The following SOX6 variants were observed in gnomAD, a reference collection of about 807,000 sequenced individuals.
SOX6 encodes the protein transcription factor SOX-6.
Under a neutral mutation model 97.8 loss-of-function variants are expected in SOX6, and 11 were observed. That is an observed-to-expected ratio of 0.11 (90% CI 0.07 to 0.19). SOX6 has a LOEUF of 0.19. SOX6 is among the 10% of genes least tolerant of loss of function. The pLI, the probability that SOX6 is intolerant of heterozygous loss-of-function variation, is 1.00. For synonymous variants in SOX6, 360 were observed against 371.4 expected (o/e 0.97, Z 0.35); for missense variants, 810 against 1,039.5 (o/e 0.78, Z 3.04).
intron 4 of SOX6, among the ~76,000 whole-genome samples, chr11:16,603,235 A>G (rs1287518043): frequency 6.6e-6 from 1 of 152,152 alleles, no homozygotes; most frequent in Admixed American, 6.5e-5. Context: ...GCACAGGGTA[A>G]CAGAGGGAAA....
chr11:16,135,155 C>A (rs1849929053), intron 6 of SOX6, among the ~76,000 whole-genome samples: 1 of 151,904 alleles, frequency 6.6e-6, no homozygotes, highest in African/African-American at 2.4e-5. Flanking sequence ...AGACCTACTG[C>A]TCAGAAAAAA....
intron 13 of SOX6, among the ~76,000 whole-genome samples, chr11:15,996,962 A>G (rs1854244123): frequency 1.3e-5 from 2 of 152,196 alleles, no homozygotes; most frequent in Non-Finnish European, 2.9e-5. Flanking sequence ...TTTGAAAAGT[A>G]CAATAAAATT....
intron 4 of SOX6, among the ~76,000 whole-genome samples, chr11:16,565,613 AAGCAT>A (rs1847861442): frequency 2.7e-4 from 2 of 7,488 alleles, no homozygotes; most frequent in Non-Finnish European, 1.3e-3. Context: ...AATAATTTTA[AAGCAT>A]GGCACATGTA....
intron 6 of SOX6, among the ~76,000 whole-genome samples, chr11:16,121,634 T>A (rs1849491653): frequency 6.6e-6 from 1 of 151,982 alleles, no homozygotes; most frequent in Admixed American, 6.6e-5. Flanking sequence ...ATAGCAAAAA[T>A]TCCATTAAGT....
chr11:16,104,678 G>A (rs1018173535), intron 7 of SOX6, among the ~76,000 whole-genome samples: 6 of 151,278 alleles, frequency 4.0e-5, no homozygotes, highest in Non-Finnish European at 5.9e-5. Flanking sequence ...ACAGGTTGGG[G>A]GTTATCTTGG....
intron 3 of SOX6, among the ~76,000 whole-genome samples, chr11:16,634,275 A>G (rs1848752331): frequency 6.6e-6 from 1 of 151,878 alleles, no homozygotes; most frequent in Admixed American, 6.5e-5. Context: ...TGATGGAGGG[A>G]AAAGTCTGTG....
At chr11:16,100,933 G>T (rs1848929254) in intron 7 of SOX6, among the ~76,000 whole-genome samples, 1 of 151,518 alleles carries the variant, frequency 6.6e-6, no homozygotes, top group African/African-American at 2.4e-5. Context: ...AAATAAAACA[G>T]AACTAGAAGA....
At chr11:16,593,008 G>A (rs925342887) in intron 4 of SOX6, among the ~76,000 whole-genome samples, 3 of 152,064 alleles carry the variant, frequency 2.0e-5, no homozygotes, top group South Asian at 4.2e-4. Flanking sequence ...ATGGCTCTCG[G>A]TAGTGAAATT....
intron 6 of SOX6, among the ~76,000 whole-genome samples, chr11:16,142,330 T>C (rs939601952): frequency 6.6e-6 from 1 of 152,042 alleles, no homozygotes; most frequent in African/African-American, 2.4e-5. Context: ...AGAAAGGACA[T>C]CCACACTAAA....
intron 1 of SOX6, among the ~76,000 whole-genome samples, chr11:16,378,813 A>T (rs55820833): frequency 0.086 from 13,024 of 152,136 alleles, 641 homozygotes; most frequent in Non-Finnish European, 0.11. Context: ...GACAAAATTT[A>T]AAAAAGTCTA....
chr11:16,361,966 T>A (rs560408585), intron 1 of SOX6, among the ~76,000 whole-genome samples: 1 of 152,334 alleles, frequency 6.6e-6, no homozygotes, highest in East Asian at 1.9e-4. Context: ...ACATTATTTC[T>A]TTCAATTCAC....
chr11:16,050,179 A>G (rs1847650894), intron 10 of SOX6, among the ~76,000 whole-genome samples: 1 of 152,096 alleles, frequency 6.6e-6, no homozygotes, highest in Non-Finnish European at 1.5e-5. Flanking sequence ...GCCAAATTAA[A>G]ATCTGAATTA....
chr11:16,205,697 TAGTA>T (rs1852053815), intron 4 of SOX6, among the ~76,000 whole-genome samples: 1 of 152,100 alleles, frequency 6.6e-6, no homozygotes, highest in East Asian at 1.9e-4. Flanking sequence ...ACTCAAAAAA[TAGTA>T]CTATGCTCAT....
chr11:16,049,786 A>G lies in SOX6; in HGVS notation c.1404T>C (p.Ile468=). 6.2e-7 allele frequency: 1 copy of G among 1,613,466 alleles called. No homozygotes were observed. Among genetic ancestry groups the G allele is most frequent in the Admixed American group, 1.7e-5 (1 of 59,936 alleles). The stretch of plus-strand genomic sequence containing the variant: ...AGGATCCTCTTCCCAGGCTTCCTCC[A>G]ATGGGGCTAGGGATGCTGCTTTTGT... ...LPNKSSIPSP[I]GGSLGRGSSL... The change falls in exon 11 of 16, where the codon ATT becomes ATC. Residue 468 remains isoleucine (I), a synonymous_variant. Transcript: ENST00000683767.
chr11:16,479,817 T>C (rs1860312338), upstream of SOX6, among the ~76,000 whole-genome samples: 1 of 152,096 alleles, frequency 6.6e-6, no homozygotes, highest in Non-Finnish European at 1.5e-5. Context: ...TTTTAAAACT[T>C]TTACTGTCTA....
At chr11:16,663,129 T>C (rs891019482) in intron 3 of SOX6, among the ~76,000 whole-genome samples, 5 of 151,910 alleles carry the variant, frequency 3.3e-5, no homozygotes, top group Non-Finnish European at 7.4e-5. Context: ...GGGGAAGTTA[T>C]AATTAACATT....
At position 16,211,391 on chromosome 11, in the gene SOX6, G is replaced by A. The variant is rs2351957; in HGVS notation, c.535+23191C>T. On this transcript the variant is annotated intron_variant, in intron 4 of 15. Transcript: ENST00000683767. ...CTTTTACAATAATCCAAGCAAGAGA[G>A]ATTAATGGCCTGGACCAAGGTGATA... Among the ~76,000 whole-genome samples, 1,215 of 151,966 alleles carry A rather than the reference G, an allele frequency of 8.0e-3. 17 individuals carry two copies. The highest frequency in any genetic ancestry group is 0.028 in the African/African-American group (1,166 of 41,466).
At chr11:16,544,124 A>G (rs1565176689) in intron 4 of SOX6, among the ~76,000 whole-genome samples, 2 of 152,242 alleles carry the variant, frequency 1.3e-5, no homozygotes, top group Non-Finnish European at 2.9e-5. Flanking sequence ...CAAAGGCCAC[A>G]TATTGCATGA....
chr11:16,200,295 C>A (rs1851899340), intron 4 of SOX6, among the ~76,000 whole-genome samples: 1 of 152,144 alleles, frequency 6.6e-6, no homozygotes, highest in African/African-American at 2.4e-5. Context: ...CCTTACTAGC[C>A]AAGAAGATTT....
Sources: gnomAD v4.1 joint callset for allele counts (sites outside exome capture counted in the v4.1 genomes callset) on GRCh38, gnomAD v4.1.1 for gene constraint, MANE v1.5 for transcripts, NCBI Gene and HGNC (gene_info 2026-07-23, HGNC 2026-07-21) for gene names.